The following FCHSD2 variants were observed in gnomAD, a reference collection of about 807,000 sequenced individuals.
FCHSD2 encodes the protein F-BAR and double SH3 domains protein 2.
In FCHSD2, 38 loss-of-function variants were observed where a neutral mutation model predicts 108.1. The observed-to-expected ratio is 0.35, with a 90% CI of 0.27 to 0.46. The LOEUF is 0.46. Ranked by LOEUF, FCHSD2 falls within the 20% of genes least tolerant of loss-of-function variation. FCHSD2 has a pLI of 1.00. For synonymous variants in FCHSD2, 279 were observed against 314.7 expected (o/e 0.89, Z 1.20); for missense variants, 751 against 897.8 (o/e 0.84, Z 2.09).
At chr11:72,980,138 C>T (rs889459748) in intron 8 of FCHSD2, among the ~76,000 whole-genome samples, 16 of 152,008 alleles carry the variant, frequency 1.1e-4, no homozygotes, top group Non-Finnish European at 1.8e-4. Flanking sequence ...CGGTTTCTAT[C>T]GTCTCTGTAA....
intron 12 of FCHSD2, among the ~76,000 whole-genome samples, chr11:72,870,079 T>C (rs1443969652): frequency 6.6e-6 from 1 of 152,150 alleles, no homozygotes; most frequent in Non-Finnish European, 1.5e-5. Context: ...CCTGTGTGCG[T>C]GCCAGTCCCT....
At chr11:72,846,069 T>C (rs1861128021) in intron 14 of FCHSD2, among the ~76,000 whole-genome samples, 1 of 910 alleles carries the variant, frequency 1.1e-3, no homozygotes, top group East Asian at 0.062. Flanking sequence ...GATAGATAGA[T>C]AGATAGATAG....
intron 6 of FCHSD2, 27 bp downstream of exon 6, chr11:72,988,937 T>A: frequency 6.3e-7 from 1 of 1,581,028 alleles, no homozygotes; most frequent in Non-Finnish European, 8.6e-7. Context: ...TGCATAATAA[T>A]TTTCTCAGAA....
chr11:73,115,028 C>T (rs1360057016), intron 2 of FCHSD2, among the ~76,000 whole-genome samples: 2 of 152,172 alleles, frequency 1.3e-5, no homozygotes, highest in Non-Finnish European at 2.9e-5. Context: ...TCTTAGACTG[C>T]CTTTCAAGTT....
rs1383965964 is a variant in FCHSD2, at chr11:72,962,113, G to GT, written c.705+21974_705+21975insA. 2.1e-4 allele frequency among the ~76,000 whole-genome samples: 32 copies of GT among 152,208 alleles called. 1 individual carries two copies. The highest frequency in any genetic ancestry group is 5.5e-4 in the African/African-American group (23 of 41,556). Reference sequence around the variant, plus strand: ...ACAGTAATAAGTTTATTTAGTATATGGCAGAGGTTCTCAAGGTAAGATCAA... The same window carrying GT: ...ACAGTAATAAGTTTATTTAGTATATGTGCAGAGGTTCTCAAGGTAAGATCAA... On this transcript the variant is annotated intron_variant, in intron 8 of 19. Transcript: ENST00000409418.
intron 3 of FCHSD2, among the ~76,000 whole-genome samples, chr11:73,045,040 A>G (rs1858725930): frequency 6.6e-6 from 1 of 151,576 alleles, no homozygotes; most frequent in African/African-American, 2.4e-5. Context: ...ACTGCACTCC[A>G]GCCTGGGCGA....
At chr11:73,042,322 C>T (rs1367162841) in intron 3 of FCHSD2, among the ~76,000 whole-genome samples, 1 of 152,148 alleles carries the variant, frequency 6.6e-6, no homozygotes, top group Non-Finnish European at 1.5e-5. Context: ...GTATCCTTTC[C>T]CCAATATAAG....
At chr11:72,983,545 T>G (rs993035542) in intron 8 of FCHSD2, among the ~76,000 whole-genome samples, 1 of 152,122 alleles carries the variant, frequency 6.6e-6, no homozygotes, top group African/African-American at 2.4e-5. Flanking sequence ...AATAAAAAAT[T>G]CAGGCTAAGA....
chr11:72,918,635 T>A (rs1301029991), intron 9 of FCHSD2, among the ~76,000 whole-genome samples: 3 of 152,196 alleles, frequency 2.0e-5, no homozygotes, highest in Non-Finnish European at 4.4e-5. Flanking sequence ...AGTTTTTTCC[T>A]TCCTTTTATC....
At chr11:73,116,378 G>A (rs1423771072) in intron 2 of FCHSD2, among the ~76,000 whole-genome samples, 1 of 152,094 alleles carries the variant, frequency 6.6e-6, no homozygotes, top group Admixed American at 6.6e-5. Flanking sequence ...GTTAGATTGT[G>A]GCATCACAGT....
At position 73,117,926 on chromosome 11, in the gene FCHSD2, T is replaced by C. The variant is rs17131835; in HGVS notation, c.119+22105A>G. On this transcript the variant is annotated intron_variant, in intron 2 of 19. Transcript: ENST00000409418. ...AGCATCCAATATTTGCTTATCTTTT[T>C]ATGTAAAACTACTTAAAATCATATG... Among the ~76,000 whole-genome samples, 1,379 of 152,354 alleles carry C rather than the reference T, an allele frequency of 9.1e-3. 22 individuals are homozygous for C. Among genetic ancestry groups the C allele is most frequent in the African/African-American group, 0.03 (1,256 of 41,572 alleles).
At chr11:73,023,126 T>C (rs1858146614) in intron 3 of FCHSD2, among the ~76,000 whole-genome samples, 1 of 152,142 alleles carries the variant, frequency 6.6e-6, no homozygotes, top group Non-Finnish European at 1.5e-5. Flanking sequence ...AAAATCTCCT[T>C]GACCTTTGGT....
chr11:73,033,840 G>A (rs1158613801), intron 3 of FCHSD2, among the ~76,000 whole-genome samples: 3 of 152,096 alleles, frequency 2.0e-5, no homozygotes, highest in African/African-American at 7.2e-5. Context: ...CCACATCCCA[G>A]TTAACAACTA....
intron 2 of FCHSD2, among the ~76,000 whole-genome samples, chr11:73,096,587 A>G (rs1462783980): frequency 6.6e-6 from 1 of 151,994 alleles, no homozygotes; most frequent in East Asian, 1.9e-4. Flanking sequence ...AAGAAAGCAT[A>G]TACCACTTCC....
chr11:73,062,634 A>T (rs1267552201), intron 3 of FCHSD2, among the ~76,000 whole-genome samples: 1 of 152,220 alleles, frequency 6.6e-6, no homozygotes, highest in Non-Finnish European at 1.5e-5. Context: ...CGAGAACTTC[A>T]TGAAGCATAC....
At chr11:73,103,587 G>A (rs1364845120) in intron 2 of FCHSD2, among the ~76,000 whole-genome samples, 1 of 152,096 alleles carries the variant, frequency 6.6e-6, no homozygotes, top group East Asian at 1.9e-4. Flanking sequence ...AAACAAGTCT[G>A]TAGCCCCAAG....
chr11:72,959,220 C>CTT (rs11408216), intron 8 of FCHSD2, among the ~76,000 whole-genome samples: 6,846 of 56,188 alleles, frequency 0.12, 3,021 homozygotes, highest in Middle Eastern at 0.24. Context: ...ATCCAGCAGT[C>CTT]TTTTTTTTTT....
chr11:72,918,202 T>C (rs942347938), intron 9 of FCHSD2, among the ~76,000 whole-genome samples: 3 of 152,190 alleles, frequency 2.0e-5, no homozygotes, highest in Admixed American at 2.0e-4. Flanking sequence ...GGATCATTCA[T>C]TGATGGAATA....
intron 9 of FCHSD2, among the ~76,000 whole-genome samples, chr11:72,920,103 T>C (rs1397525170): frequency 1.3e-5 from 2 of 151,960 alleles, no homozygotes; most frequent in East Asian, 1.9e-4. Context: ...TAACATAAAC[T>C]GTAAGACAGT....
Sources: gnomAD v4.1 joint callset for allele counts (sites outside exome capture counted in the v4.1 genomes callset) on GRCh38, gnomAD v4.1.1 for gene constraint, MANE v1.5 for transcripts, NCBI Gene and HGNC (gene_info 2026-07-23, HGNC 2026-07-21) for gene names.